Variants in DCUN1D5 observed in about 807,000 individuals in gnomAD.
DCUN1D5 encodes the protein defective in cullin neddylation 1 domain containing 5.
In DCUN1D5, 10 loss-of-function variants were observed where a neutral mutation model predicts 38.3. The ratio of observed to expected loss-of-function variants is 0.26; its 90% CI spans 0.16 to 0.44. DCUN1D5 has a LOEUF of 0.44. Among genes scored for constraint, DCUN1D5 ranks in the 20% least tolerant of loss-of-function variants. The pLI is 1.00. For synonymous variants in DCUN1D5, 93 were observed against 90.9 expected (o/e 1.02, Z -0.13); for missense variants, 148 against 275.3 (o/e 0.54, Z 3.27).
chr11:103,059,066 A>C lies in DCUN1D5; in HGVS notation c.*3293T>G, dbSNP rs1169489312. On this transcript the variant is annotated 3_prime_UTR_variant, in exon 8 of 8. Coordinates refer to ENST00000260247, the MANE Select transcript of DCUN1D5 (RefSeq NM_032299.4). ...GAAGGCCAGAACAAAGTTTTATCAG[A>C]GATGAATTATCACAATAGTTTTAAG... Among the ~76,000 whole-genome samples the C allele has an allele frequency of 6.6e-6, 1 of 152,182 alleles. No individual in the cohort carries two copies. The highest frequency in any genetic ancestry group is 6.6e-5 in the Admixed American group (1 of 15,264).
rs141493988 is a variant in DCUN1D5 at position 103,086,164 on chromosome 11, A to G, written c.179-2838T>C. Among the ~76,000 whole-genome samples, 257 of 151,810 alleles carry G rather than the reference A, an allele frequency of 1.7e-3. No individual in the cohort carries two copies. The highest frequency in any genetic ancestry group is 5.5e-3 in the African/African-American group (226 of 41,124). ...TGCAAGGCCTAATACCATGCCAGCC[A>G]TAACAGATGCTTAGGGGGAAAAAAA... is the stretch of plus-strand genomic sequence containing the variant. On this transcript the variant is annotated intron_variant, in intron 2 of 7. Coordinates refer to ENST00000260247, the MANE Select transcript of DCUN1D5 (RefSeq NM_032299.4). The surrounding 1 kb of genome is among the most constrained non-coding windows in gnomAD (Gnocchi z 4.1).
In DCUN1D5 at chr11:103,051,346, TTG is replaced by T. The variant is rs1861725136; in HGVS notation, c.*11011_*11012del. ...AAAAAGATTTTCTGCATGGTTTATC[TTG>T]TGGTTTGCTTCTTCTGACAAGGCAG... On this transcript the variant is annotated 3_prime_UTR_variant, in exon 8 of 8. Transcript: ENST00000260247. 1 of 152,336 alleles carries T rather than the reference TTG, an allele frequency of 6.6e-6. No individual in the cohort carries two copies. Among genetic ancestry groups the T allele is most frequent in the East Asian group, 1.9e-4 (1 of 5,178 alleles). The allele number at this position is 152,336 out of a possible 1,614,324, so 9.4% of individuals were successfully genotyped here. A position where few individuals can be genotyped will look rare whatever the true frequency, so the allele number is the denominator to read the frequency against.
chr11:103,076,306 A>G (rs560705194), intron 4 of DCUN1D5, among the ~76,000 whole-genome samples: 1 of 152,322 alleles, frequency 6.6e-6, no homozygotes, highest in South Asian at 2.1e-4. Flanking sequence ...ATGTTTCAAA[A>G]TTCCTATCTG....
rs762761695 is a variant in DCUN1D5, at chr11:103,073,742, G to C, written c.342-7175C>G. On this transcript the variant is annotated intron_variant, in intron 4 of 7. Coordinates refer to ENST00000260247, the MANE Select transcript of DCUN1D5 (RefSeq NM_032299.4). The surrounding 1 kb of genome is among the most constrained non-coding windows in gnomAD (Gnocchi z 4.2). ...GAAAATTCTCATGATATAAGGCTAG[G>C]CAAATAATTCTTAGACTTGACATCA... 7.9e-5 allele frequency among the ~76,000 whole-genome samples: 12 copies of C among 152,140 alleles called. No individual in the cohort carries two copies. Among genetic ancestry groups the C allele is most frequent in the Non-Finnish European group, 1.8e-4 (12 of 68,024 alleles).
Position 103,063,904 on chromosome 11 carries a change from T to C in DCUN1D5, c.658+371A>G, listed in dbSNP as rs1862074166. Among the ~76,000 whole-genome samples, 1 of 152,164 alleles carries C rather than the reference T, an allele frequency of 6.6e-6. No individual in the cohort carries two copies. Among genetic ancestry groups the C allele is most frequent in the South Asian group, 2.1e-4 (1 of 4,832 alleles). On this transcript the variant is annotated intron_variant, in intron 7 of 7. Transcript: ENST00000260247. This position sits in a 1 kb window ranked among gnomAD's most constrained non-coding sequence, Gnocchi z 4.6. ...CATAATATTACAATAATGTTAAAGC[T>C]TTTTCTATTGTGGCTGATTGTTTTG...
rs1055167965 is a variant in DCUN1D5, at chr11:103,063,265, A to T, written c.659-851T>A. ...TCTGACTCCTATAAAGGAGTACTAT[A>T]AAGGTACAGTTTTGTCAGACTTTTT... On this transcript the variant is annotated intron_variant, in intron 7 of 7. Coordinates refer to ENST00000260247, the MANE Select transcript of DCUN1D5 (RefSeq NM_032299.4). The surrounding 1 kb of genome is among the most constrained non-coding windows in gnomAD (Gnocchi z 4.6). Among the ~76,000 whole-genome samples the T allele has an allele frequency of 3.2e-4, 49 of 152,150 alleles. No homozygotes were observed. The highest frequency in any genetic ancestry group is 1.2e-3 in the African/African-American group (49 of 41,444).
chr11:103,090,188 T>C (rs1041245779), intron 1 of DCUN1D5, among the ~76,000 whole-genome samples: 2 of 152,222 alleles, frequency 1.3e-5, no homozygotes, highest in Admixed American at 6.5e-5. Context: ...TGCTCAGCTA[T>C]CTTAATGTAC....
chr11:103,076,860 C>T (rs1450059035), intron 4 of DCUN1D5, among the ~76,000 whole-genome samples: 1 of 152,140 alleles, frequency 6.6e-6, no homozygotes, highest in Non-Finnish European at 1.5e-5. Flanking sequence ...TAATGGTCTA[C>T]TGTAAATCTT....
rs565384285 is a variant in DCUN1D5 at position 103,083,815 on chromosome 11, A to G, written c.179-489T>C. ...TTACCCTTTTGAAATACACTCAAAT[A>G]TAATTTAATTATTGAAAAAGACAAA... On this transcript the variant is annotated intron_variant, in intron 2 of 7. Coordinates refer to ENST00000260247, the MANE Select transcript of DCUN1D5 (RefSeq NM_032299.4). The surrounding 1 kb of genome is among the most constrained non-coding windows in gnomAD (Gnocchi z 4.4). Among the ~76,000 whole-genome samples, 2 of 152,308 alleles carry G rather than the reference A, an allele frequency of 1.3e-5. No homozygotes were observed. The highest frequency in any genetic ancestry group is 1.3e-4 in the Admixed American group (2 of 15,300).
At position 103,062,401 on chromosome 11, in the gene DCUN1D5, A is replaced by G. The variant is rs1862035428; in HGVS notation, c.672T>C (p.Leu224=). The change falls in exon 8 of 8, where the codon CTT becomes CTC. Residue 224 remains leucine, a synonymous_variant. Coordinates refer to ENST00000260247, the MANE Select transcript of DCUN1D5 (RefSeq NM_032299.4). This position sits in a 1 kb window ranked among gnomAD's most constrained non-coding sequence, Gnocchi z 4.6. The stretch of plus-strand genomic sequence containing the variant: ...CTTTTTGCCACTCAACAAATTCATC[A>G]AGAAGAACAGGCCCTAGAAAAAAAG... ...YDEDGAWPVL[L]DEFVEWQKVR... The G allele has an allele frequency of 1.9e-6, 3 of 1,613,248 alleles. No individual in the cohort carries two copies. Among genetic ancestry groups the G allele is most frequent in the Non-Finnish European group, 2.5e-6 (3 of 1,179,558 alleles).
intron 4 of DCUN1D5, among the ~76,000 whole-genome samples, chr11:103,081,674 C>T (rs1412583833): frequency 6.6e-6 from 1 of 151,964 alleles, no homozygotes; most frequent in Non-Finnish European, 1.5e-5. Context: ...AGGTCTCAGA[C>T]TATTAAAAAA....
intron 4 of DCUN1D5, among the ~76,000 whole-genome samples, chr11:103,074,010 A>G (rs1332122695): frequency 6.6e-6 from 1 of 152,082 alleles, no homozygotes; most frequent in African/African-American, 2.4e-5. Context: ...GTGAAGGTTG[A>G]AGTCAGCCAA....
At chr11:103,074,481 T>TCACAAC (rs1862358986) in intron 4 of DCUN1D5, among the ~76,000 whole-genome samples, 2 of 152,124 alleles carry the variant, frequency 1.3e-5, no homozygotes, top group African/African-American at 4.8e-5. Context: ...CAATCTCAGG[T>TCACAAC]CACAACCTCC....
At position 103,064,352 on chromosome 11, in the gene DCUN1D5, T is replaced by C; in HGVS notation, c.581A>G (p.Lys194Arg). 13 of 1,607,258 alleles carry C rather than the reference T, an allele frequency of 8.1e-6. No individual in the cohort carries two copies. The highest frequency in any genetic ancestry group is 1.1e-5 in the Non-Finnish European group (13 of 1,177,392). Residue 194 changes from lysine (K) to arginine (R), a missense_variant, in exon 7 of 8, where the codon AAA (lysine) becomes AGA (arginine). By Grantham distance (26) the Lys-to-Arg change is conservative (BLOSUM62 2). Transcript: ENST00000260247. This position sits in a 1 kb window ranked among gnomAD's most constrained non-coding sequence, Gnocchi z 4.5. The part of the protein sequence containing the change: ...LEQSKYRVMN[K>R]DQWYNVLEFS... ...TTCTAATACATTGTACCATTGATCT[T>C]TGTTCATAACACGATACTTTGATTG...
chr11:103,066,602 T>A lies in DCUN1D5; in HGVS notation c.342-35A>T. The A allele has an allele frequency of 7.6e-7, 1 of 1,319,844 alleles. No homozygotes were observed. Among genetic ancestry groups the A allele is most frequent in the African/African-American group, 1.5e-5 (1 of 68,380 alleles). The allele number at this position is 1,319,844 out of a possible 1,614,324, so 81.8% of individuals were successfully genotyped here. A position where few individuals can be genotyped will look rare whatever the true frequency, so the allele number is the denominator to read the frequency against. ...AAGAAATATCAAACAAATTACATAA[T>A]CAAGAAAATCAAATAAAAGTATCAC... On this transcript the variant is annotated intron_variant, in intron 4 of 7. Transcript: ENST00000260247. This position sits in a 1 kb window ranked among gnomAD's most constrained non-coding sequence, Gnocchi z 4.7.
Position 103,087,083 on chromosome 11 carries a change from T to C in DCUN1D5, c.178+2144A>G, listed in dbSNP as rs1300231077. On this transcript the variant is annotated intron_variant, in intron 2 of 7. Coordinates refer to ENST00000260247, the MANE Select transcript of DCUN1D5 (RefSeq NM_032299.4). This position sits in a 1 kb window ranked among gnomAD's most constrained non-coding sequence, Gnocchi z 4.1. ...GCTCATGCCTGTAATCCCACCACTC[T>C]GGGAAGCTGAGGCAATTAGATCACT... 6.6e-6 allele frequency among the ~76,000 whole-genome samples: 1 copy of C among 151,794 alleles called. No homozygotes were observed. Among genetic ancestry groups the C allele is most frequent in the Non-Finnish European group, 1.5e-5 (1 of 67,958 alleles).
rs1167802480 is a variant in DCUN1D5, at chr11:103,065,985, A to G, written c.555+284T>C. On this transcript the variant is annotated intron_variant, in intron 6 of 7. Transcript: ENST00000260247. This position sits in a 1 kb window ranked among gnomAD's most constrained non-coding sequence, Gnocchi z 4.6. ...CATTAACTCTCTTATGAAAACCCCG[A>G]GAAACTAATTCTGCAAGACAAATGT... Among the ~76,000 whole-genome samples, 1 of 152,044 alleles carries G rather than the reference A, an allele frequency of 6.6e-6. No homozygotes were observed. Among genetic ancestry groups the G allele is most frequent in the African/African-American group, 2.4e-5 (1 of 41,414 alleles).
At position 103,062,463 on chromosome 11, in the gene DCUN1D5, C is replaced by G; in HGVS notation, c.659-49G>C. ...GTCAGAATTCAGTGAACTCATCTCTCCAATTATAAAACAAACTCCCCACGA... is the reference window on the plus strand; with the variant it reads ...GTCAGAATTCAGTGAACTCATCTCTGCAATTATAAAACAAACTCCCCACGA... On this transcript the variant is annotated intron_variant, in intron 7 of 7. Transcript: ENST00000260247. The surrounding 1 kb of genome is among the most constrained non-coding windows in gnomAD (Gnocchi z 4.6). 1 of 1,543,284 alleles carries G rather than the reference C, an allele frequency of 6.5e-7. No individual in the cohort carries two copies. Among genetic ancestry groups the G allele is most frequent in the Non-Finnish European group, 8.9e-7 (1 of 1,122,046 alleles).
rs1826164959 is a variant in DCUN1D5, at chr11:103,052,716, G to T, written c.*9643C>A. 1 of 152,082 alleles carries T rather than the reference G, an allele frequency of 6.6e-6. No homozygotes were observed. Among genetic ancestry groups the T allele is most frequent in the African/African-American group, 2.4e-5 (1 of 41,426 alleles). The allele number at this position is 152,082 out of a possible 1,614,324, so 9.4% of individuals were successfully genotyped here. ...AGATAGAATTATCATAAACCTTATA[G>T]TTCTAGTGTAAGTATTTCCAAAGAT... On this transcript the variant is annotated 3_prime_UTR_variant, in exon 8 of 8. Transcript: ENST00000260247.
Sources: gnomAD v4.1 joint callset for allele counts (sites outside exome capture counted in the v4.1 genomes callset) on GRCh38, gnomAD v4.1.1 for gene constraint, Gnocchi (gnomAD v3.1) non-coding constraint, MANE v1.5 for transcripts, NCBI Gene and HGNC (gene_info 2026-07-23, HGNC 2026-07-21) for gene names.